ITGB6: variants seen among roughly 807,000 people sequenced by gnomAD.
ITGB6 encodes the protein integrin beta-6.
A neutral mutation model predicts 84.5 loss-of-function variants in ITGB6; 80 were observed. The ratio of observed to expected loss-of-function variants is 0.95; its 90% confidence interval spans 0.79 to 1.14. The LOEUF (loss-of-function observed/expected upper bound fraction) is 1.14, where lower values mean the gene tolerates loss of function less well. Ranked by LOEUF, ITGB6 falls within the 50% of genes most tolerant of loss-of-function variation. The pLI, the probability that ITGB6 is intolerant of heterozygous loss-of-function variation, is 0.00. For missense variants in ITGB6, 1,006 were observed against 968.0 expected, an observed-to-expected ratio of 1.04 and a Z score of -0.52; for synonymous variants, 383 against 354.9, an observed-to-expected ratio of 1.08 and a Z score of -0.89.
At chr2:160,163,448 A>G (rs985513623) in intron 7 of ITGB6, among the ~76,000 whole-genome samples, 1 of 152,162 alleles carries the variant, frequency 6.6e-6, no homozygotes, top group Non-Finnish European at 1.5e-5. Flanking sequence ...TCTGGCCAAC[A>G]TGGTGAAACC....
intron 7 of ITGB6, among the ~76,000 whole-genome samples, chr2:160,157,718 G>T (rs1013959041): frequency 5.5e-5 from 4 of 72,604 alleles, no homozygotes; most frequent in African/African-American, 2.1e-4. Flanking sequence ...CATTTTGAAA[G>T]AAATGTAGGA....
At chr2:160,178,033 C>A (rs1685500398) in intron 4 of ITGB6, among the ~76,000 whole-genome samples, 1 of 152,130 alleles carries the variant, frequency 6.6e-6, no homozygotes, top group South Asian at 2.1e-4. Flanking sequence ...CGCCACCATG[C>A]CCAGCTAAGT....
At chr2:160,185,245 C>A (rs1259411289) in intron 4 of ITGB6, among the ~76,000 whole-genome samples, 1 of 152,124 alleles carries the variant, frequency 6.6e-6, no homozygotes, top group African/African-American at 2.4e-5. Flanking sequence ...CATCTTAGCC[C>A]AAAATCTCCT....
At chr2:160,199,951 A>C in intron 1 of ITGB6, 52 bp downstream of exon 1, 1 of 1,352,450 alleles carries the variant, frequency 7.4e-7, no homozygotes, top group Non-Finnish European at 1.1e-6. Context: ...ACCAAATGAC[A>C]GGTTTGTCAA....
Position 160,199,258 on chromosome 2 carries a change from C to T in ITGB6, c.62G>A (p.Gly21Asp). Reference protein sequence around the residue: ...LFLGRNDHVQGGCALGGAETC... With the variant: ...LFLGRNDHVQDGCALGGAETC... ...TTCTGCACCTCCCAGGGCACAGCCA[C>T]CTAGGTTTAGACCCAGCAAGATGCA... The change falls in exon 2 of 15, where the codon GGT becomes GAT. Residue 21 changes from glycine to aspartate, a missense_variant and splice_region_variant. Coordinates refer to ENST00000283249, the MANE Select transcript of ITGB6 (RefSeq NM_000888.5). 1.2e-6 allele frequency: 2 copies of T among 1,613,694 alleles called. No homozygotes were observed. The highest frequency in any genetic ancestry group is 1.7e-6 in the Non-Finnish European group (2 of 1,179,656).
chr2:160,117,571 C>A (rs1335877707), intron 12 of ITGB6, among the ~76,000 whole-genome samples: 1 of 151,870 alleles, frequency 6.6e-6, no homozygotes, highest in African/African-American at 2.4e-5. Flanking sequence ...AGGAAAGATC[C>A]AAAACTGACA....
chr2:160,172,447 C>A, intron 6 of ITGB6, 122 bp downstream of exon 6: 1 of 955,968 alleles, frequency 1.0e-6, no homozygotes, highest in Non-Finnish European at 1.5e-6. Context: ...ACTTGTTAAT[C>A]CCACATTAGA....
intron 3 of ITGB6, 149 bp downstream of exon 3, chr2:160,196,067 G>A (rs1265741699): frequency 2.8e-6 from 2 of 707,140 alleles, no homozygotes; most frequent in Admixed American, 2.7e-5. Context: ...AGAAATGTGT[G>A]AGCCTAATAA....
intron 7 of ITGB6, among the ~76,000 whole-genome samples, chr2:160,153,400 A>G (rs1431795740): frequency 6.6e-6 from 1 of 152,230 alleles, no homozygotes; most frequent in Non-Finnish European, 1.5e-5. Context: ...GAAAGCTGAA[A>G]TTGGATCCCT....
At chr2:160,199,893 A>G (rs1199431335) in intron 1 of ITGB6, 110 bp downstream of exon 1, 8 of 817,538 alleles carry the variant, frequency 9.8e-6, no homozygotes, top group Non-Finnish European at 1.6e-5. Flanking sequence ...GTCACAAAAG[A>G]GCAATGGAAC....
intron 12 of ITGB6, 25 bp downstream of exon 12, chr2:160,123,766 A>G (rs1332972999): frequency 6.3e-7 from 1 of 1,588,380 alleles, no homozygotes; most frequent in Non-Finnish European, 8.6e-7. Context: ...TAAGGAAATG[A>G]AAAACAATTT....
chr2:160,121,272 C>T (rs1683026580), intron 12 of ITGB6, among the ~76,000 whole-genome samples: 1 of 152,154 alleles, frequency 6.6e-6, no homozygotes, highest in Non-Finnish European at 1.5e-5. Context: ...ATTCCAATTC[C>T]TCCCCTTGCC....
intron 4 of ITGB6, 100 bp from the exon 5 acceptor site, chr2:160,174,239 T>A: frequency 1.1e-6 from 1 of 941,600 alleles, no homozygotes. Flanking sequence ...TGAAGATTAG[T>A]TTTTCTAAAG....
intron 12 of ITGB6, among the ~76,000 whole-genome samples, chr2:160,118,563 G>A (rs1205560116): frequency 6.6e-6 from 1 of 152,042 alleles, no homozygotes; most frequent in African/African-American, 2.4e-5. Context: ...ATATCATACT[G>A]AATGGGCAAA....
At chr2:160,199,763 T>C (rs1049082364) in intron 1 of ITGB6, among the ~76,000 whole-genome samples, 10 of 152,218 alleles carry the variant, frequency 6.6e-5, no homozygotes, top group Non-Finnish European at 1.2e-4. Flanking sequence ...GGCAGTAATG[T>C]TATTTAATTC....
chr2:160,134,466 T>C (rs1192162714), intron 10 of ITGB6, among the ~76,000 whole-genome samples: 7 of 152,214 alleles, frequency 4.6e-5, no homozygotes, highest in Non-Finnish European at 1.0e-4. Flanking sequence ...AGCCAAATTC[T>C]ACCAGAGGTA....
intron 4 of ITGB6, among the ~76,000 whole-genome samples, chr2:160,174,415 G>A (rs1196536707): frequency 1.3e-5 from 2 of 151,282 alleles, no homozygotes; most frequent in Non-Finnish European, 2.9e-5. Flanking sequence ...AGACTCCAGT[G>A]TGTGTGTGTG....
chr2:160,138,345 G>T, intron 8 of ITGB6, 146 bp from the exon 9 acceptor site: 1 of 684,904 alleles, frequency 1.5e-6, no homozygotes. Context: ...TCAATCAAAA[G>T]CAAGAAAGTG....
chr2:160,138,544 T>C (rs1446178508), intron 8 of ITGB6, among the ~76,000 whole-genome samples: 1 of 152,190 alleles, frequency 6.6e-6, no homozygotes, highest in East Asian at 1.9e-4. Context: ...TTTGGCAAAT[T>C]CTCCTGCCCT....
Sources: allele counts gnomAD v4.1 joint callset (sites outside exome capture counted in the v4.1 genomes callset), GRCh38; gene constraint gnomAD v4.1.1; transcripts MANE v1.5; gene names NCBI Gene and HGNC (gene_info 2026-07-23, HGNC 2026-07-21).